SFI1: variants seen among roughly 807,000 people sequenced by gnomAD.
The protein encoded by SFI1 is SFI1 centrin binding protein, also known as protein SFI1 homolog.
SFI1 carries 195 observed loss-of-function variants against 207.5 expected under a neutral mutation model. That is an observed-to-expected ratio of 0.94 (90% CI 0.84 to 1.06). The LOEUF (loss-of-function observed/expected upper bound fraction) is 1.06, where lower values mean the gene tolerates loss of function less well. SFI1 is among the 50% of genes least tolerant of loss of function. The pLI is 0.00. For synonymous variants in SFI1, 630 were observed against 598.9 expected, an observed-to-expected ratio of 1.05 and a Z score of -0.76; for missense variants, 1,634 against 1,588.0, an observed-to-expected ratio of 1.03 and a Z score of -0.49.
intron 15 of SFI1, among the ~76,000 whole-genome samples, chr22:31,601,236 G>T (rs2068053821): frequency 6.9e-6 from 1 of 143,912 alleles, no homozygotes; most frequent in East Asian, 2.1e-4. Flanking sequence ...TCATTCTCCT[G>T]CCTCAGCCTC....
rs2068685953 is a variant in SFI1 at position 31,604,773 on chromosome 22, G to A, written c.1978-96G>A. ...TTCCTACCCTTTTTGAGTTCTCTGG[G>A]CATGGCAGCCTTGTGGTAGATGCAC... On this transcript the variant is annotated intron_variant, in intron 19 of 32. Coordinates refer to ENST00000400288, the MANE Select transcript of SFI1 (RefSeq NM_001007467.3). 3.5e-6 allele frequency: 4 copies of A among 1,139,960 alleles called. No homozygotes were observed. The Admixed American group carries it at 7.3e-5, about 21-fold the overall frequency. 70.6% of individuals were successfully genotyped at this position (1,139,960 alleles called of 1,614,324 possible).
chr22:31,611,275 C>T lies in SFI1; in HGVS notation c.2387C>T (p.Thr796Met), dbSNP rs1179895891. The T allele has an allele frequency of 1.4e-5, 22 of 1,610,402 alleles. No individual in the cohort carries two copies. Among genetic ancestry groups the T allele is most frequent in the East Asian group, 6.7e-5 (3 of 44,820 alleles). ...CTGGAGGGGCTGGCCCGGTGGAAGA[C>T]GCACCATCTGCAGTGTGTCAGGAAG... is the stretch of plus-strand genomic sequence containing the variant. ...LLLEGLARWK[T>M]HHLQCVRKRL... Residue 796 changes from threonine (T) to methionine (M), a missense_variant, in exon 23 of 33, where the codon ACG (threonine) becomes ATG (methionine). Coordinates refer to ENST00000400288, the MANE Select transcript of SFI1 (RefSeq NM_001007467.3).
At chr22:31,557,585 A>G (rs1346971843) in intron 7 of SFI1, among the ~76,000 whole-genome samples, 1 of 152,212 alleles carries the variant, frequency 6.6e-6, no homozygotes, top group East Asian at 1.9e-4. Context: ...CATAATTAAC[A>G]TGAATTGAGT....
intron 14 of SFI1, among the ~76,000 whole-genome samples, chr22:31,588,843 A>G (rs141425079): frequency 6.6e-6 from 1 of 151,980 alleles, no homozygotes; most frequent in African/African-American, 2.4e-5. Context: ...AACAAAAAAA[A>G]CAAAAACATA....
chr22:31,578,330 C>T (rs2063736314), intron 10 of SFI1, 52 bp from the exon 11 acceptor site: 72 of 1,534,908 alleles, frequency 4.7e-5, no homozygotes, highest in Non-Finnish European at 6.2e-5. Flanking sequence ...TGAGAATGCA[C>T]TGTGTAGGGG....
At chr22:31,574,783 G>A (rs534066104) in intron 9 of SFI1, among the ~76,000 whole-genome samples, 38 of 152,122 alleles carry the variant, frequency 2.5e-4, no homozygotes, top group African/African-American at 4.1e-4. Context: ...TTGGCCGGGC[G>A]CGGTGGCTCA....
intron 2 of SFI1, among the ~76,000 whole-genome samples, chr22:31,520,396 T>C (rs2057078920): frequency 6.6e-6 from 1 of 152,198 alleles, no homozygotes; most frequent in South Asian, 2.1e-4. Context: ...CTTTCATTGT[T>C]TTCATTATAG....
At chr22:31,514,383 C>T (rs2056152283) in intron 2 of SFI1, among the ~76,000 whole-genome samples, 1 of 151,270 alleles carries the variant, frequency 6.6e-6, no homozygotes, top group African/African-American at 2.4e-5. Flanking sequence ...TGGCGGGCGC[C>T]TGTAGTCCCA....
chr22:31,520,923 G>A (rs988945142), intron 2 of SFI1, among the ~76,000 whole-genome samples: 1 of 148,918 alleles, frequency 6.7e-6, no homozygotes, highest in African/African-American at 2.5e-5. Context: ...AGGATCACGT[G>A]AGCCTGGGAG....
chr22:31,575,445 C>T (rs2063380250), intron 10 of SFI1, 53 bp downstream of exon 10: 1 of 1,480,066 alleles, frequency 6.8e-7, no homozygotes, highest in Non-Finnish European at 9.0e-7. Context: ...ACAGCATGAG[C>T]TCAGCAGCAT....
intron 17 of SFI1, among the ~76,000 whole-genome samples, chr22:31,603,442 G>T (rs981132491): frequency 5.3e-5 from 8 of 152,156 alleles, no homozygotes; most frequent in Non-Finnish European, 1.2e-4. Context: ...AGTGTCCACT[G>T]TGTGTTCTGA....
At chr22:31,537,353 A>G (rs2059094488) in intron 4 of SFI1, among the ~76,000 whole-genome samples, 1 of 152,162 alleles carries the variant, frequency 6.6e-6, no homozygotes, top group African/African-American at 2.4e-5. Context: ...ACCTTTAGCT[A>G]CAGAGGAGGT....
intron 12 of SFI1, 43 bp downstream of exon 12, chr22:31,580,407 A>G (rs763622502): frequency 6.0e-6 from 9 of 1,501,118 alleles, no homozygotes; most frequent in South Asian, 1.2e-5. Context: ...TCTGAAGGCC[A>G]TTCTCTCTCG....
At chr22:31,574,885 C>T (rs1399355921) in intron 9 of SFI1, among the ~76,000 whole-genome samples, 1 of 151,930 alleles carries the variant, frequency 6.6e-6, no homozygotes. Context: ...GGTGAAACCC[C>T]ATCTCTATTA....
At chr22:31,599,623 C>G (rs1202042209) in intron 15 of SFI1, among the ~76,000 whole-genome samples, 1 of 152,132 alleles carries the variant, frequency 6.6e-6, no homozygotes, top group African/African-American at 2.4e-5. Context: ...AGCCACCGTG[C>G]CTAGCCCAGA....
chr22:31,595,568 T>G (rs917543944), intron 15 of SFI1, among the ~76,000 whole-genome samples: 6 of 152,188 alleles, frequency 3.9e-5, no homozygotes, highest in African/African-American at 1.2e-4. Flanking sequence ...TTTTGATGAC[T>G]TTGTAGGAGG....
chr22:31,515,926 C>T (rs1053801108), intron 2 of SFI1, among the ~76,000 whole-genome samples: 6 of 151,648 alleles, frequency 4.0e-5, no homozygotes, highest in African/African-American at 1.5e-4. Flanking sequence ...TTAGTAGAGA[C>T]GGAGTTTCAC....
Position 31,568,208 on chromosome 22 carries a change from GTGTATA to G in SFI1, c.766-4848_766-4843del, listed in dbSNP as rs1569334026. On this transcript the variant is annotated intron_variant, in intron 8 of 32. Transcript: ENST00000400288. The stretch of plus-strand genomic sequence containing the variant: ...GTGTGTGTGTGTTGTGTGTGTGTGT[GTGTATA>G]TATATATATATATTTTTTTTTTTTT... 3.8e-3 allele frequency among the ~76,000 whole-genome samples: 470 copies of G among 123,576 alleles called. 5 individuals carry two copies. In the East Asian group the frequency reaches 0.056, roughly 15 times the overall value. The allele number at this position is 123,576 out of a possible 152,430, so 81.1% of individuals were successfully genotyped here. A position where few individuals can be genotyped will look rare whatever the true frequency, so the allele number is the denominator to read the frequency against.
intron 8 of SFI1, among the ~76,000 whole-genome samples, chr22:31,565,107 G>A (rs934872645): frequency 6.6e-6 from 1 of 151,814 alleles, no homozygotes; most frequent in Non-Finnish European, 1.5e-5. Context: ...ACAGGCGTGA[G>A]CCACCGTGCC....
Sources: gnomAD v4.1 joint callset for allele counts (sites outside exome capture counted in the v4.1 genomes callset) on GRCh38, gnomAD v4.1.1 for gene constraint, MANE v1.5 for transcripts, NCBI Gene and HGNC (gene_info 2026-07-23, HGNC 2026-07-21) for gene names.